The following TCF20 variants were observed in gnomAD, a reference collection of about 807,000 sequenced individuals.
TCF20 encodes SPRE-binding protein.
Under a neutral mutation model 148.6 loss-of-function variants are expected in TCF20, and 3 were observed. That is an observed-to-expected ratio of 0.02 (90% CI 0.01 to 0.05). The LOEUF is 0.05. Ranked by LOEUF, TCF20 falls within the 10% of genes least tolerant of loss-of-function variation. The pLI, the probability that TCF20 is intolerant of heterozygous loss-of-function variation, is 1.00. For missense variants in TCF20, 2,350 were observed against 2,429.3 expected, an observed-to-expected ratio of 0.97 and a Z score of 0.69; for synonymous variants, 1,049 against 909.5, an observed-to-expected ratio of 1.15 and a Z score of -2.76.
chr22:42,221,940 G>A (rs569773748), intron 1 of TCF20, among the ~76,000 whole-genome samples: 1 of 151,556 alleles, frequency 6.6e-6, no homozygotes, highest in Non-Finnish European at 1.5e-5. Flanking sequence ...GGGTTTCACC[G>A]TGTTAGCCAG....
intron 1 of TCF20, among the ~76,000 whole-genome samples, chr22:42,315,085 A>G (rs1927605010): frequency 3.3e-5 from 5 of 152,106 alleles, no homozygotes; most frequent in Admixed American, 3.3e-4. Flanking sequence ...GAAACCTGGA[A>G]TCAAGGAATG....
chr22:42,332,489 C>T (rs757378505), intron 1 of TCF20, among the ~76,000 whole-genome samples: 4 of 152,102 alleles, frequency 2.6e-5, no homozygotes, highest in Non-Finnish European at 5.9e-5. Context: ...AATACCAGTT[C>T]AGCCAATTTC....
chr22:42,210,944 A>C lies in TCF20; in HGVS notation c.4362T>G (p.Val1454=). Residue 1454 remains valine (V), a synonymous_variant, in exon 2 of 6, where the codon GTT becomes GTG. Transcript: ENST00000677622. This position sits in a 1 kb window ranked among gnomAD's most constrained non-coding sequence, Gnocchi z 4.7. ...CACCAGGGGGTTCCTTTCCGGCAGT[A>C]ACTGTTTCTGCATGTGTCTCTGTCT... ...KVKTETHAET[V]TAGKEPPGAM... 1 of 1,614,154 alleles carries C rather than the reference A, an allele frequency of 6.2e-7. No individual in the cohort carries two copies. Among genetic ancestry groups the C allele is most frequent in the Non-Finnish European group, 8.5e-7 (1 of 1,180,036 alleles).
chr22:42,203,386 C>T (rs973848115), intron 2 of TCF20, among the ~76,000 whole-genome samples: 1 of 151,998 alleles, frequency 6.6e-6, no homozygotes, highest in Non-Finnish European at 1.5e-5. Flanking sequence ...CATCCCCCTA[C>T]CTCTAGAGAG....
intron 1 of TCF20, among the ~76,000 whole-genome samples, chr22:42,220,454 T>C (rs780739397): frequency 1.9e-4 from 29 of 152,210 alleles, no homozygotes; most frequent in Non-Finnish European, 3.1e-4. Context: ...TGTTTCAACC[T>C]CCCAAAGTGC....
chr22:42,232,724 G>A (rs543140288), intron 1 of TCF20, among the ~76,000 whole-genome samples: 10 of 151,666 alleles, frequency 6.6e-5, no homozygotes, highest in Admixed American at 3.9e-4. Context: ...CCAGCAACCC[G>A]GGAGGCGGAG....
chr22:42,300,216 G>C (rs535173488), intron 1 of TCF20, among the ~76,000 whole-genome samples: 2 of 152,248 alleles, frequency 1.3e-5, no homozygotes, highest in African/African-American at 4.8e-5. Context: ...CCCCCAAGGA[G>C]AGCGGCAGGG....
chr22:42,220,381 A>G (rs1393697892), intron 1 of TCF20, among the ~76,000 whole-genome samples: 1 of 152,206 alleles, frequency 6.6e-6, no homozygotes, highest in Non-Finnish European at 1.5e-5. Context: ...TCTTAAAAAT[A>G]GAGACAGAGT....
upstream of TCF20, among the ~76,000 whole-genome samples, chr22:42,272,421 C>T (rs563048875): frequency 2.4e-4 from 36 of 152,208 alleles, no homozygotes; most frequent in African/African-American, 7.9e-4. Context: ...ATCCTTTTTC[C>T]TTAGAGTCCC....
At chr22:42,220,989 T>TCC (rs1215858762) in intron 1 of TCF20, among the ~76,000 whole-genome samples, 1 of 152,160 alleles carries the variant, frequency 6.6e-6, no homozygotes, top group African/African-American at 2.4e-5. Context: ...CCCTTTCCAG[T>TCC]CCCTTTATTA....
intron 1 of TCF20, among the ~76,000 whole-genome samples, chr22:42,228,575 G>C (rs1369024842): frequency 6.6e-6 from 1 of 152,200 alleles, no homozygotes; most frequent in Non-Finnish European, 1.5e-5. Flanking sequence ...ATCCCTTACA[G>C]AACAACTGCA....
intron 1 of TCF20, among the ~76,000 whole-genome samples, chr22:42,313,597 CTTTTTTTTTTT>C (rs551146210): frequency 8.3e-6 from 1 of 120,312 alleles, no homozygotes; most frequent in Non-Finnish European, 1.7e-5. Context: ...AGAATTCTTT[CTTTTTTTTTTT>C]TTTTTTTTTG....
intron 1 of TCF20, among the ~76,000 whole-genome samples, chr22:42,221,893 C>A (rs972289036): frequency 6.6e-6 from 1 of 151,960 alleles, no homozygotes; most frequent in Non-Finnish European, 1.5e-5. Flanking sequence ...CGCCCACCAC[C>A]GTGCCTGGCT....
intron 1 of TCF20, among the ~76,000 whole-genome samples, chr22:42,243,141 A>G (rs145887936): frequency 1.1e-3 from 168 of 151,868 alleles, no homozygotes; most frequent in African/African-American, 4.0e-3. Context: ...GACATTATGC[A>G]TTTGTCCAAA....
intron 1 of TCF20, among the ~76,000 whole-genome samples, chr22:42,302,684 G>T (rs1927358820): frequency 6.6e-6 from 1 of 152,142 alleles, no homozygotes; most frequent in Non-Finnish European, 1.5e-5. Flanking sequence ...ACAGAAACAG[G>T]CACTGGCCAT....
At chr22:42,252,630 T>C (rs545323801) in intron 1 of TCF20, among the ~76,000 whole-genome samples, 8 of 152,234 alleles carry the variant, frequency 5.3e-5, no homozygotes, top group Non-Finnish European at 1.0e-4. Context: ...TTTGTATTTT[T>C]AGTAGAGACG....
intron 1 of TCF20, among the ~76,000 whole-genome samples, chr22:42,223,125 T>G (rs749052836): frequency 6.6e-6 from 1 of 152,212 alleles, no homozygotes; most frequent in Admixed American, 6.5e-5. Context: ...CACTCCAGCC[T>G]GGGTGCTACA....
At chr22:42,162,690 C>CT (rs1482630197) in intron 5 of TCF20, among the ~76,000 whole-genome samples, 1 of 152,208 alleles carries the variant, frequency 6.6e-6, no homozygotes, top group Non-Finnish European at 1.5e-5. Context: ...CACCTAACTG[C>CT]TTCCTCAAGA....
At chr22:42,192,564 T>C (rs984338944) in intron 2 of TCF20, among the ~76,000 whole-genome samples, 3 of 152,106 alleles carry the variant, frequency 2.0e-5, no homozygotes, top group Admixed American at 1.3e-4. Flanking sequence ...GCTCAGGAAA[T>C]AGCAGAGTCC....
Sources: gnomAD v4.1 joint callset for allele counts (sites outside exome capture counted in the v4.1 genomes callset) on GRCh38, gnomAD v4.1.1 for gene constraint, Gnocchi (gnomAD v3.1) non-coding constraint, MANE v1.5 for transcripts, NCBI Gene and HGNC (gene_info 2026-07-23, HGNC 2026-07-21) for gene names.